The following BCKDHB variants were observed in gnomAD, a reference collection of about 807,000 sequenced individuals.
BCKDHB encodes branched chain keto acid dehydrogenase E1 subunit beta.
A neutral mutation model predicts 48.5 loss-of-function variants in BCKDHB; 41 were observed. The observed-to-expected ratio is 0.85, with a 90% CI of 0.66 to 1.10. The LOEUF (loss-of-function observed/expected upper bound fraction) is 1.10. Ranked by LOEUF, BCKDHB falls within the 50% of genes least tolerant of loss-of-function variation. BCKDHB has a pLI of 0.00. For synonymous variants in BCKDHB, 201 were observed against 174.8 expected, an observed-to-expected ratio of 1.15 and a Z score of -1.18; for missense variants, 496 against 494.2, an observed-to-expected ratio of 1.00 and a Z score of -0.03.
At chr6:80,428,298 G>A in the BCKDHB span, among the ~76,000 whole-genome samples, 3 of 152,130 alleles carry the variant, frequency 2.0e-5, no homozygotes, top group African/African-American at 7.2e-5. Flanking sequence ...TTGGTTCCAA[G>A]TCTTGCTATT....
the BCKDHB span, among the ~76,000 whole-genome samples, chr6:80,384,856 A>T: frequency 6.6e-6 from 1 of 152,148 alleles, no homozygotes; most frequent in Non-Finnish European, 1.5e-5. Flanking sequence ...ACAAAATATT[A>T]AGGATGGACT....
At chr6:80,222,102 A>G (rs377713390) in intron 8 of BCKDHB, among the ~76,000 whole-genome samples, 20 of 151,948 alleles carry the variant, frequency 1.3e-4, no homozygotes, top group Admixed American at 3.9e-4. Flanking sequence ...TAATTTTTCA[A>G]CCCTTTCCCC....
intron 8 of BCKDHB, among the ~76,000 whole-genome samples, chr6:80,236,781 T>A (rs553033531): frequency 2.6e-4 from 40 of 152,342 alleles, no homozygotes; most frequent in Non-Finnish European, 4.6e-4. Flanking sequence ...TGTATGTAAG[T>A]CAATATGTAC....
At chr6:80,463,418 A>C in the BCKDHB span, among the ~76,000 whole-genome samples, 1 of 152,204 alleles carries the variant, frequency 6.6e-6, no homozygotes, top group Non-Finnish European at 1.5e-5. Flanking sequence ...GGTAGACTTC[A>C]AACAGGCTCA....
chr6:80,292,515 C>T (rs534806386), intron 9 of BCKDHB, among the ~76,000 whole-genome samples: 8 of 152,206 alleles, frequency 5.3e-5, no homozygotes, highest in East Asian at 1.9e-4. Flanking sequence ...TACCTCCCAC[C>T]GGGTCCCTCC....
the BCKDHB span, among the ~76,000 whole-genome samples, chr6:80,465,009 T>C: frequency 2.0e-5 from 3 of 152,138 alleles, no homozygotes; most frequent in Non-Finnish European, 4.4e-5. Flanking sequence ...ACAGAGGAAA[T>C]TGAGCTGCCC....
intron 9 of BCKDHB, among the ~76,000 whole-genome samples, chr6:80,310,322 AG>A (rs1473297266): frequency 6.6e-6 from 1 of 152,008 alleles, no homozygotes; most frequent in Non-Finnish European, 1.5e-5. Context: ...CTCATCATTT[AG>A]CTCCCACTTA....
chr6:80,255,835 T>C (rs1316396435), intron 8 of BCKDHB, among the ~76,000 whole-genome samples: 1 of 152,168 alleles, frequency 6.6e-6, no homozygotes, highest in African/African-American at 2.4e-5. Flanking sequence ...AGAGAAAATA[T>C]GAAGGACATA....
the BCKDHB span, among the ~76,000 whole-genome samples, chr6:80,401,248 T>C: frequency 6.6e-6 from 1 of 151,752 alleles, no homozygotes; most frequent in Non-Finnish European, 1.5e-5. Flanking sequence ...ATAAATAACT[T>C]TATTGGGGTA....
At chr6:80,453,193 G>A in the BCKDHB span, 1 of 152,090 alleles carries the variant, frequency 6.6e-6, no homozygotes, top group African/African-American at 2.4e-5. Context: ...AGTTGCCCAC[G>A]GCCTCCAGTC....
the BCKDHB span, among the ~76,000 whole-genome samples, chr6:80,433,691 C>G: frequency 6.6e-6 from 1 of 151,774 alleles, no homozygotes; most frequent in Non-Finnish European, 1.5e-5. Flanking sequence ...CATTGGCATT[C>G]CAGGAGTCAC....
the BCKDHB span, among the ~76,000 whole-genome samples, chr6:80,412,599 A>G: frequency 6.6e-6 from 1 of 152,184 alleles, no homozygotes; most frequent in Non-Finnish European, 1.5e-5. Flanking sequence ...TTGACTATAT[A>G]CTTACCTTCA....
chr6:80,134,503 A>T (rs1770788082), intron 3 of BCKDHB, among the ~76,000 whole-genome samples: 1 of 152,178 alleles, frequency 6.6e-6, no homozygotes, highest in Admixed American at 6.6e-5. Context: ...TATCCTCATC[A>T]GTAAATTGAA....
At position 80,203,960 on chromosome 6, in the gene BCKDHB, C is replaced by G. The variant is rs530731185; in HGVS notation, c.951+748C>G. 6.7e-3 allele frequency among the ~76,000 whole-genome samples: 559 copies of G among 83,654 alleles called. 2 individuals carry two copies. Among genetic ancestry groups the G allele is most frequent in the Non-Finnish European group, 7.1e-3 (326 of 45,832 alleles). The allele number at this position is 83,654 out of a possible 152,430, so 54.9% of individuals were successfully genotyped here. A position where few individuals can be genotyped will look rare whatever the true frequency, so the allele number is the denominator to read the frequency against. ...TAATAGTCTTATCAATTAAGTCTAG[C>G]TACATGTAAATTATATGTACCTAGT... On this transcript the variant is annotated intron_variant, in intron 8 of 9. Transcript: ENST00000320393.
At chr6:80,260,842 A>G (rs1248269284) in intron 8 of BCKDHB, among the ~76,000 whole-genome samples, 1 of 152,252 alleles carries the variant, frequency 6.6e-6, no homozygotes, top group African/African-American at 2.4e-5. Context: ...GTGGGCAAAG[A>G]TAACATAACA....
intron 1 of BCKDHB, among the ~76,000 whole-genome samples, chr6:80,115,588 G>T (rs1216228070): frequency 6.6e-6 from 1 of 151,806 alleles, no homozygotes; most frequent in Non-Finnish European, 1.5e-5. Context: ...ACTTCACCAG[G>T]CATATACTGA....
rs895830883 is a variant in BCKDHB, at chr6:80,115,700, G to A, written c.196+8811G>A. 4.6e-5 allele frequency among the ~76,000 whole-genome samples: 7 copies of A among 151,430 alleles called. No individual in the cohort carries two copies. The South Asian group carries it at 1.3e-3, about 27-fold the overall frequency. On this transcript the variant is annotated intron_variant, in intron 1 of 9. Transcript: ENST00000320393. ...CACCCAGGCTGGAGTGCAGTGGCGC[G>A]ATCTTGGCCCACTGCAGGCTCTGCC...
chr6:80,110,391 T>C (rs192887204), intron 1 of BCKDHB, among the ~76,000 whole-genome samples: 1 of 152,290 alleles, frequency 6.6e-6, no homozygotes, highest in Admixed American at 6.5e-5. Flanking sequence ...ATTCAAACTT[T>C]TTGTAGTTTT....
chr6:80,168,854 G>C, intron 4 of BCKDHB, 21 bp from the exon 5 acceptor site: 1 of 1,613,766 alleles, frequency 6.2e-7, no homozygotes, highest in Non-Finnish European at 8.5e-7. Flanking sequence ...GCCATGCCCC[G>C]TCTTTCTTTC....
Sources: gnomAD v4.1 joint callset for allele counts (sites outside exome capture counted in the v4.1 genomes callset) on GRCh38, gnomAD v4.1.1 for gene constraint, MANE v1.5 for transcripts, NCBI Gene and HGNC (gene_info 2026-07-23, HGNC 2026-07-21) for gene names.